EXD3: variants seen among roughly 807,000 people sequenced by gnomAD.
EXD3 encodes the protein exonuclease mut-7 homolog.
EXD3 carries 92 observed loss-of-function variants against 98.0 expected under a neutral mutation model. The observed-to-expected ratio is 0.94, with a 90% CI of 0.79 to 1.12. The LOEUF (loss-of-function observed/expected upper bound fraction) is 1.12. EXD3 is among the 50% of genes most tolerant of loss of function. EXD3 has a pLI of 0.00. For missense variants in EXD3, 1,222 were observed against 1,191.6 expected, an observed-to-expected ratio of 1.03 and a Z score of -0.38; for synonymous variants, 569 against 526.0, an observed-to-expected ratio of 1.08 and a Z score of -1.12.
At chr9:137,398,196 G>C (rs1283924550) in intron 1 of EXD3, among the ~76,000 whole-genome samples, 1 of 152,218 alleles carries the variant, frequency 6.6e-6, no homozygotes. Flanking sequence ...AGAAGGAACT[G>C]TGGCTCCACG....
At chr9:137,376,306 T>TGCACTCCA (rs1835896690) in intron 3 of EXD3, among the ~76,000 whole-genome samples, 1 of 131,276 alleles carries the variant, frequency 7.6e-6, no homozygotes, top group Non-Finnish European at 1.5e-5. Context: ...ATTGTGCCAC[T>TGCACTCCA]GCACTCCAGC....
intron 14 of EXD3, among the ~76,000 whole-genome samples, chr9:137,350,780 T>C (rs1834256729): frequency 6.6e-6 from 1 of 151,990 alleles, no homozygotes; most frequent in Non-Finnish European, 1.5e-5. Context: ...GGCTCAGGTC[T>C]GGGGGAAGGT....
chr9:137,379,108 C>T (rs1428477737), intron 3 of EXD3, among the ~76,000 whole-genome samples: 2 of 103,608 alleles, frequency 1.9e-5, no homozygotes, highest in East Asian at 2.7e-4. Flanking sequence ...TGCCTGTGGC[C>T]GAGGGGAATG....
At chr9:137,353,561 GA>G in intron 10 of EXD3, 1 of 986,096 alleles carries the variant, frequency 1.0e-6, no homozygotes, top group Non-Finnish European at 1.2e-6. Flanking sequence ...GGGGTCCTGA[GA>G]AACCTCATCC....
intron 1 of EXD3, among the ~76,000 whole-genome samples, chr9:137,404,333 C>T (rs1179592429): frequency 2.6e-5 from 4 of 152,100 alleles, no homozygotes; most frequent in Admixed American, 1.3e-4. Flanking sequence ...AGGGAGCCCA[C>T]AAGGCCTCTG....
At chr9:137,338,127 AAAAAGGACCATCTACTTGGCTAC>A (rs1588291472) in intron 17 of EXD3, among the ~76,000 whole-genome samples, 2 of 152,202 alleles carry the variant, frequency 1.3e-5, no homozygotes, top group Admixed American at 6.5e-5. Flanking sequence ...GATCATTTAT[AAAAAGGACCATCTACTTGGCTAC>A]AAAGCAAATC....
chr9:137,376,323 G>T (rs373675673), intron 3 of EXD3, among the ~76,000 whole-genome samples: 1 of 122,332 alleles, frequency 8.2e-6, no homozygotes, highest in East Asian at 2.4e-4. Flanking sequence ...CAGCCTGGGC[G>T]ACAGAGCAAG....
At chr9:137,355,443 G>GGGAGGAA (rs1564507957) in intron 8 of EXD3, among the ~76,000 whole-genome samples, 2 of 15,944 alleles carry the variant, frequency 1.3e-4, no homozygotes, top group South Asian at 2.3e-3. Context: ...GATGGAGGAA[G>GGGAGGAA]GGAGGATGGA....
intron 19 of EXD3, among the ~76,000 whole-genome samples, chr9:137,320,834 C>G (rs1162963078): frequency 6.6e-6 from 1 of 152,218 alleles, no homozygotes; most frequent in African/African-American, 2.4e-5. Context: ...GAAAATGCAG[C>G]AGCCGATTCT....
intron 19 of EXD3, among the ~76,000 whole-genome samples, chr9:137,317,083 C>T (rs1388732240): frequency 6.6e-6 from 1 of 152,106 alleles, no homozygotes; most frequent in African/African-American, 2.4e-5. Context: ...CGTGGCGGGC[C>T]TGGAGGGGGT....
intron 7 of EXD3, among the ~76,000 whole-genome samples, chr9:137,357,549 G>A (rs1388778861): frequency 6.6e-6 from 1 of 151,870 alleles, no homozygotes; most frequent in Non-Finnish European, 1.5e-5. Flanking sequence ...CTGTCCTACA[G>A]TCTGAAAGCT....
rs200494966 is a variant in EXD3, at chr9:137,351,504, C to T, written c.1198G>A (p.Val400Met). The change falls in exon 13 of 22, where the codon GTG becomes ATG. Residue 400 changes from valine to methionine, a missense_variant. Val to Met is a conservative substitution (Grantham distance 21). Transcript: ENST00000340951. The part of the protein sequence containing the change: ...LQCHQVVGVD[V>M]EWTPVFVAGG... The stretch of plus-strand genomic sequence containing the variant: ...GCAACAAACACAGGTGTCCACTCCA[C>T]GTCTACACCAACCACTTGGTGGCAC... The T allele has an allele frequency of 1.2e-4, 192 of 1,594,150 alleles. 1 individual carries two copies. The East Asian group carries it at 2.7e-3, about 22-fold the overall frequency.
intron 17 of EXD3, among the ~76,000 whole-genome samples, chr9:137,340,935 G>C (rs1833619585): frequency 6.6e-6 from 1 of 152,202 alleles, no homozygotes; most frequent in African/African-American, 2.4e-5. Flanking sequence ...AAGGACTGAA[G>C]GAGAAGAACA....
At chr9:137,318,331 T>C (rs1028077561) in intron 19 of EXD3, among the ~76,000 whole-genome samples, 5 of 151,332 alleles carry the variant, frequency 3.3e-5, no homozygotes, top group Non-Finnish European at 7.4e-5. Context: ...GCACCCCCCC[T>C]CGTCCCCCCC....
chr9:137,395,368 G>A lies in EXD3; in HGVS notation c.-11C>T. Reference sequence around the variant, plus strand: ...ATCTCCTGGGTCCATCCTCAGGGCCGGGCCGAGGACGCTGGCAGGCAGCTA... The same window carrying A: ...ATCTCCTGGGTCCATCCTCAGGGCCAGGCCGAGGACGCTGGCAGGCAGCTA... On this transcript the variant is annotated 5_prime_UTR_variant, in exon 2 of 22. Coordinates refer to ENST00000340951, the MANE Select transcript of EXD3 (RefSeq NM_017820.5). This position sits in a 1 kb window ranked among gnomAD's most constrained non-coding sequence, Gnocchi z 6.5. 2.5e-6 allele frequency: 4 copies of A among 1,613,334 alleles called. No individual in the cohort carries two copies. Among genetic ancestry groups the A allele is most frequent in the Non-Finnish European group, 2.5e-6 (3 of 1,179,796 alleles).
chr9:137,378,152 C>T (rs1440532632), intron 3 of EXD3, among the ~76,000 whole-genome samples: 1 of 152,056 alleles, frequency 6.6e-6, no homozygotes, highest in Admixed American at 6.6e-5. Flanking sequence ...ATGATTACCA[C>T]ATGACCCAGC....
intron 19 of EXD3, 73 bp from the exon 20 acceptor site, chr9:137,309,773 C>A: frequency 8.8e-7 from 1 of 1,132,146 alleles, no homozygotes; most frequent in South Asian, 1.3e-5. Context: ...CCTCTGCTCG[C>A]TCCTCGAAGC....
At position 137,307,031 on chromosome 9, in the gene EXD3, G is replaced by A. The variant is rs1354782143; in HGVS notation, c.2550C>T (p.Thr850=). Residue 850 remains threonine, a synonymous_variant, in exon 22 of 22, where the codon ACC becomes ACT. Transcript: ENST00000340951. Reference sequence around the variant, plus strand: ...CGCTCTCCAGCATGTCTCGGAAGTGGGTGGCAACACGACCCAGGTGGGAGC... The same window carrying A: ...CGCTCTCCAGCATGTCTCGGAAGTGAGTGGCAACACGACCCAGGTGGGAGC... ...WDGSHLGRVA[T]HFRDMLESAP... 6.2e-7 allele frequency: 1 copy of A among 1,612,144 alleles called. No individual in the cohort carries two copies. Among genetic ancestry groups the A allele is most frequent in the East Asian group, 2.2e-5 (1 of 44,886 alleles).
chr9:137,307,676 G>A, intron 20 of EXD3, 30 bp from the exon 21 acceptor site: 1 of 1,606,564 alleles, frequency 6.2e-7, no homozygotes, highest in South Asian at 1.1e-5. Context: ...GCTGGTCCGG[G>A]ACTGTCCTAG....
Sources: gnomAD v4.1 joint callset for allele counts (sites outside exome capture counted in the v4.1 genomes callset) on GRCh38, gnomAD v4.1.1 for gene constraint, Gnocchi (gnomAD v3.1) non-coding constraint, MANE v1.5 for transcripts, NCBI Gene and HGNC (gene_info 2026-07-23, HGNC 2026-07-21) for gene names.